The following NHEJ1 variants were observed in gnomAD, a reference collection of about 807,000 sequenced individuals.
The protein encoded by NHEJ1 is non-homologous end joining factor 1.
In NHEJ1, 22 loss-of-function variants were observed where a neutral mutation model predicts 39.4. The observed-to-expected ratio is 0.56, with a 90% CI of 0.40 to 0.80. NHEJ1 has a LOEUF of 0.80. Among genes scored for constraint, NHEJ1 ranks in the 30% least tolerant of loss-of-function variants. The probability of loss-of-function intolerance (pLI) is 0.00; values close to 1 mark genes in which losing one functional copy is unlikely to be tolerated. For synonymous variants in NHEJ1, 154 were observed against 135.6 expected, an observed-to-expected ratio of 1.14 and a Z score of -0.94; for missense variants, 329 against 357.1, an observed-to-expected ratio of 0.92 and a Z score of 0.63.
intron 3 of NHEJ1, among the ~76,000 whole-genome samples, chr2:219,152,895 C>T (rs1166610504): frequency 1.3e-5 from 2 of 151,888 alleles, no homozygotes; most frequent in Non-Finnish European, 2.9e-5. Context: ...CTCCACCTCC[C>T]GGGTTCAAGC....
intron 5 of NHEJ1, 116 bp from the exon 6 acceptor site, chr2:219,078,322 T>C (rs1251954188): frequency 6.6e-6 from 6 of 911,722 alleles, no homozygotes; most frequent in Non-Finnish European, 9.0e-6. Flanking sequence ...AGCAGTTAGA[T>C]CCAATAGGGG....
intron 6 of NHEJ1, 90 bp downstream of exon 6, chr2:219,077,999 A>G: frequency 1.1e-6 from 1 of 893,152 alleles, no homozygotes; most frequent in Non-Finnish European, 1.9e-6. Flanking sequence ...TTAAATAGTT[A>G]TATGTGGCTA....
chr2:219,142,592 G>A (rs1949701972), intron 5 of NHEJ1, among the ~76,000 whole-genome samples: 1 of 152,246 alleles, frequency 6.6e-6, no homozygotes, highest in African/African-American at 2.4e-5. Context: ...GATGGAGAGA[G>A]CGAGGCATGG....
In NHEJ1 at chr2:219,073,908, G is replaced by A. The variant is rs1334479393; in HGVS notation, c.*2473C>T. ...TGTAGAGTGGGGGTTGGGCCAGGCT[G>A]GGGGCCTCAGGGAGGGGCCCAAGCC... On this transcript the variant is annotated 3_prime_UTR_variant, in exon 8 of 8. Transcript: ENST00000356853. Among the ~76,000 whole-genome samples, 1 of 152,246 alleles carries A rather than the reference G, an allele frequency of 6.6e-6. No individual in the cohort carries two copies. The highest frequency in any genetic ancestry group is 2.4e-5 in the African/African-American group (1 of 41,452).
At chr2:219,112,745 G>T (rs1170864133) in intron 5 of NHEJ1, among the ~76,000 whole-genome samples, 1 of 152,006 alleles carries the variant, frequency 6.6e-6, no homozygotes, top group Admixed American at 6.5e-5. Context: ...ACAGATGCTG[G>T]GCAACTTAGT....
At chr2:219,107,170 A>C (rs1463805317) in intron 5 of NHEJ1, among the ~76,000 whole-genome samples, 1 of 152,240 alleles carries the variant, frequency 6.6e-6, no homozygotes, top group Non-Finnish European at 1.5e-5. Flanking sequence ...TGCAAGAGAA[A>C]GGAGGATAAA....
intron 5 of NHEJ1, among the ~76,000 whole-genome samples, chr2:219,081,754 A>G (rs1270904907): frequency 2.0e-5 from 3 of 152,228 alleles, no homozygotes; most frequent in Non-Finnish European, 4.4e-5. Flanking sequence ...GGAACCAGAG[A>G]AGAAGAAAGG....
Position 219,111,150 on chromosome 2 carries a change from G to A in NHEJ1, c.589-32944C>T, listed in dbSNP as rs1238009135. On this transcript the variant is annotated intron_variant, in intron 5 of 7. Coordinates refer to ENST00000356853, the MANE Select transcript of NHEJ1 (RefSeq NM_024782.3). This position sits in a 1 kb window ranked among gnomAD's most constrained non-coding sequence, Gnocchi z 4.1. Reference sequence around the variant, plus strand: ...CCAGAGGGGGGAAAATCATTTTAAAGATGATTTTAGAACTGGAATAGAATT... The same window carrying A: ...CCAGAGGGGGGAAAATCATTTTAAAAATGATTTTAGAACTGGAATAGAATT... Among the ~76,000 whole-genome samples the A allele has an allele frequency of 2.0e-5, 3 of 152,124 alleles. No homozygotes were observed. Among genetic ancestry groups the A allele is most frequent in the Admixed American group, 2.0e-4 (3 of 15,284 alleles).
At chr2:219,125,721 A>T (rs1949508815) in intron 5 of NHEJ1, 1 of 152,304 alleles carries the variant, frequency 6.6e-6, no homozygotes, top group African/African-American at 2.4e-5. Context: ...AGGGCACAGG[A>T]GTAATTTTTA....
chr2:219,127,203 G>C (rs1459969952), intron 5 of NHEJ1, among the ~76,000 whole-genome samples: 2 of 152,136 alleles, frequency 1.3e-5, no homozygotes, highest in Non-Finnish European at 2.9e-5. Context: ...AGATCCCTGG[G>C]GCTAGGGAGG....
intron 5 of NHEJ1, among the ~76,000 whole-genome samples, chr2:219,118,404 A>C (rs1319866453): frequency 1.3e-5 from 2 of 151,914 alleles, no homozygotes; most frequent in African/African-American, 4.8e-5. Context: ...TCTGGGGTCC[A>C]AAATGCTCTG....
intron 5 of NHEJ1, among the ~76,000 whole-genome samples, chr2:219,078,588 A>G (rs1176318406): frequency 6.6e-6 from 1 of 152,246 alleles, no homozygotes; most frequent in Non-Finnish European, 1.5e-5. Context: ...CATAAACTAG[A>G]GAAAAATGAT....
At chr2:219,116,996 G>C (rs1022503658) in intron 5 of NHEJ1, among the ~76,000 whole-genome samples, 1 of 152,132 alleles carries the variant, frequency 6.6e-6, no homozygotes, top group Non-Finnish European at 1.5e-5. Flanking sequence ...GCTGAGAGGA[G>C]AGGAAAAGAG....
chr2:219,112,335 T>C (rs1399936845), intron 5 of NHEJ1, among the ~76,000 whole-genome samples: 1 of 152,174 alleles, frequency 6.6e-6, no homozygotes, highest in Non-Finnish European at 1.5e-5. Context: ...ATCTATAAAA[T>C]AGGGATAATA....
chr2:219,133,947 TG>T (rs1453091352), intron 5 of NHEJ1, among the ~76,000 whole-genome samples: 1 of 152,258 alleles, frequency 6.6e-6, no homozygotes, highest in Non-Finnish European at 1.5e-5. Flanking sequence ...CCTTTTCCGC[TG>T]GTTTCTCCTT....
At chr2:219,123,018 TG>T (rs1309585582) in intron 5 of NHEJ1, among the ~76,000 whole-genome samples, 2 of 152,166 alleles carry the variant, frequency 1.3e-5, no homozygotes, top group East Asian at 3.8e-4. Context: ...TCCCTGGCAC[TG>T]GGGGGCTCTG....
chr2:219,083,101 T>C (rs2106323392), intron 5 of NHEJ1, among the ~76,000 whole-genome samples: 1 of 152,358 alleles, frequency 6.6e-6, no homozygotes, highest in South Asian at 2.1e-4. Context: ...TTGCTGATCA[T>C]CTACTGTGGT....
intron 5 of NHEJ1, 123 bp from the exon 6 acceptor site, chr2:219,078,329 G>A (rs1337359504): frequency 5.9e-6 from 5 of 853,040 alleles, no homozygotes; most frequent in Admixed American, 3.7e-5. Flanking sequence ...AGATCCAATA[G>A]GGGGCGACCA....
At chr2:219,133,409 C>A (rs1256622788) in intron 5 of NHEJ1, among the ~76,000 whole-genome samples, 1 of 152,234 alleles carries the variant, frequency 6.6e-6, no homozygotes, top group Non-Finnish European at 1.5e-5. Flanking sequence ...CATGACACGA[C>A]CTTTAAAAAG....
Sources: gnomAD v4.1 joint callset for allele counts (sites outside exome capture counted in the v4.1 genomes callset) on GRCh38, gnomAD v4.1.1 for gene constraint, Gnocchi (gnomAD v3.1) non-coding constraint, MANE v1.5 for transcripts, NCBI Gene and HGNC (gene_info 2026-07-23, HGNC 2026-07-21) for gene names.